Variants in ACO2 observed in about 807,000 individuals in gnomAD.
ACO2 encodes aconitate hydratase, mitochondrial.
Under a neutral mutation model 84.5 loss-of-function variants are expected in ACO2, and 31 were observed. The observed-to-expected ratio is 0.37, with a 90% CI of 0.28 to 0.50. The LOEUF is 0.50. ACO2 is among the 20% of genes least tolerant of loss of function. The pLI is 0.97. For synonymous variants in ACO2, 414 were observed against 412.7 expected (o/e 1.00, Z -0.04); for missense variants, 685 against 1,029.3 (o/e 0.67, Z 4.58).
chr22:41,526,603 G>A, intron 15 of ACO2, 150 bp downstream of exon 15: 1 of 816,218 alleles, frequency 1.2e-6, no homozygotes, highest in Non-Finnish European at 1.8e-6. Flanking sequence ...GAGGCCTGCA[G>A]CCCCTCCCTG....
chr22:41,513,497 C>T (rs1327023874), intron 4 of ACO2, among the ~76,000 whole-genome samples: 6 of 152,220 alleles, frequency 3.9e-5, no homozygotes, highest in Non-Finnish European at 8.8e-5. Context: ...CCACTTGGCC[C>T]GCAGACCTTC....
At chr22:41,513,968 G>A (rs754455080) in intron 4 of ACO2, among the ~76,000 whole-genome samples, 8 of 152,106 alleles carry the variant, frequency 5.3e-5, no homozygotes, top group Admixed American at 2.0e-4. Flanking sequence ...TGTCTACACC[G>A]TGTAGACCAC....
At chr22:41,521,849 A>G (rs2066529314) in intron 9 of ACO2, among the ~76,000 whole-genome samples, 1 of 150,000 alleles carries the variant, frequency 6.7e-6, no homozygotes. Context: ...ATCTCGGCTC[A>G]CTGCAGCCTC....
At chr22:41,500,345 A>C (rs142534385) in intron 2 of ACO2, among the ~76,000 whole-genome samples, 49 of 147,546 alleles carry the variant, frequency 3.3e-4, no homozygotes, top group African/African-American at 9.3e-4. Flanking sequence ...TATTTGAGGC[A>C]GAGTATATAT....
chr22:41,501,201 G>A (rs1569010519), intron 2 of ACO2, among the ~76,000 whole-genome samples: 1 of 151,868 alleles, frequency 6.6e-6, no homozygotes, highest in Non-Finnish European at 1.5e-5. Flanking sequence ...ATGGGGTATC[G>A]CCACATTGCC....
chr22:41,517,332 C>G (rs2066483231), intron 6 of ACO2, 195 bp from the exon 7 acceptor site: 1 of 567,354 alleles, frequency 1.8e-6, no homozygotes, highest in Non-Finnish European at 3.2e-6. Context: ...GCTCTGATCC[C>G]CATGGCCTCC....
intron 1 of ACO2, among the ~76,000 whole-genome samples, chr22:41,470,876 G>T (rs899582005): frequency 6.6e-6 from 1 of 152,118 alleles, no homozygotes; most frequent in East Asian, 1.9e-4. Flanking sequence ...GGTTAATGAT[G>T]TGGAAATAGT....
intron 3 of ACO2, among the ~76,000 whole-genome samples, chr22:41,509,179 C>G (rs995833639): frequency 6.6e-6 from 1 of 152,198 alleles, no homozygotes; most frequent in African/African-American, 2.4e-5. Context: ...GCCCTGGGGA[C>G]AGCTGCCCAC....
chr22:41,510,039 T>C (rs1397831849), intron 3 of ACO2, among the ~76,000 whole-genome samples: 1 of 152,158 alleles, frequency 6.6e-6, no homozygotes, highest in African/African-American at 2.4e-5. Context: ...TTTCACCACG[T>C]TGGCCAGGCT....
chr22:41,517,242 G>A (rs2066482679), intron 6 of ACO2: 2 of 409,410 alleles, frequency 4.9e-6, no homozygotes, highest in Non-Finnish European at 4.6e-6. Context: ...CCCCAAGCTC[G>A]CAGCTCAGTG....
At chr22:41,472,081 G>A (rs886579051) in intron 1 of ACO2, among the ~76,000 whole-genome samples, 9 of 152,180 alleles carry the variant, frequency 5.9e-5, no homozygotes, top group African/African-American at 2.2e-4. Flanking sequence ...GTGGCAGGGT[G>A]CAGTGTCTCA....
intron 13 of ACO2, 109 bp downstream of exon 13, chr22:41,525,077 A>G: frequency 6.2e-7 from 1 of 1,601,340 alleles, no homozygotes; most frequent in Non-Finnish European, 8.5e-7. Flanking sequence ...AGTGAGAAGG[A>G]AGCAGCTCTG....
chr22:41,475,398 C>A (rs1375026884), intron 1 of ACO2, among the ~76,000 whole-genome samples: 1 of 151,832 alleles, frequency 6.6e-6, no homozygotes, highest in Non-Finnish European at 1.5e-5. Context: ...GTCTTGAACT[C>A]CTGAGCTCCC....
intron 3 of ACO2, among the ~76,000 whole-genome samples, chr22:41,511,356 G>C (rs1285426084): frequency 6.6e-6 from 1 of 152,142 alleles, no homozygotes; most frequent in Non-Finnish European, 1.5e-5. Flanking sequence ...ATTTTTAGTA[G>C]AGACAGGGTT....
intron 14 of ACO2, chr22:41,525,960 T>C (rs2066585324): frequency 6.3e-6 from 2 of 315,666 alleles, no homozygotes. Flanking sequence ...CTGTGGCTGA[T>C]CTTGCAGCTG....
intron 14 of ACO2, 67 bp from the exon 15 acceptor site, chr22:41,526,195 G>T: frequency 6.7e-7 from 1 of 1,483,284 alleles, no homozygotes; most frequent in Non-Finnish European, 9.2e-7. Flanking sequence ...GCCTGCCTCT[G>T]GAGGGCTTGT....
rs1210608369 is a variant in ACO2, at chr22:41,525,770, TTG to T, written c.1761+426_1761+427del. ...TGGGCACCCGTGGATATGGGATGGC[TTG>T]TGTTTGGCACCGACCAAAAACAAGC... On this transcript the variant is annotated intron_variant, in intron 14 of 17. Coordinates refer to ENST00000216254, the MANE Select transcript of ACO2 (RefSeq NM_001098.3). 3.2e-5 allele frequency: 7 copies of T among 221,590 alleles called. No individual in the cohort carries two copies. In the Middle Eastern group the frequency reaches 7.1e-3, roughly 225 times the overall value. The allele number at this position is 221,590 out of a possible 1,614,324, so 13.7% of individuals were successfully genotyped here.
rs2066486012 is a variant in ACO2, at chr22:41,517,640, G to T, written c.940+9G>T. 6.2e-7 allele frequency: 1 copy of T among 1,611,814 alleles called. No homozygotes were observed. Among genetic ancestry groups the T allele is most frequent in the South Asian group, 1.1e-5 (1 of 91,046 alleles). On this transcript the variant is annotated intron_variant, in intron 7 of 17. Coordinates refer to ENST00000216254, the MANE Select transcript of ACO2 (RefSeq NM_001098.3). The stretch of plus-strand genomic sequence containing the variant: ...CAAGACCGGCCGGGAAGGTGAGCTG[G>T]CAGGGGCAGGCCCGTGTGGGTGGAA...
At chr22:41,513,456 A>G (rs2066451758) in intron 4 of ACO2, among the ~76,000 whole-genome samples, 1 of 152,188 alleles carries the variant, frequency 6.6e-6, no homozygotes, top group Non-Finnish European at 1.5e-5. Flanking sequence ...CCCAAACCTG[A>G]ACCCCTTTCC....
Sources: gnomAD v4.1 joint callset for allele counts (sites outside exome capture counted in the v4.1 genomes callset) on GRCh38, gnomAD v4.1.1 for gene constraint, MANE v1.5 for transcripts, NCBI Gene and HGNC (gene_info 2026-07-23, HGNC 2026-07-21) for gene names.